Variants in PPIP5K2 observed in about 807,000 individuals in gnomAD.
The protein encoded by PPIP5K2 is diphosphoinositol pentakisphosphate kinase 2, also known as inositol hexakisphosphate and diphosphoinositol-pentakisphosphate kinase 2.
In PPIP5K2, 105 loss-of-function variants were observed where a neutral mutation model predicts 154.6. That is an observed-to-expected ratio of 0.68 (90% CI 0.58 to 0.80). The LOEUF is 0.80. Among genes scored for constraint, PPIP5K2 ranks in the 30% least tolerant of loss-of-function variants. The pLI is 0.00. For missense variants in PPIP5K2, 992 were observed against 1,504.6 expected, an observed-to-expected ratio of 0.66 and a Z score of 5.64; for synonymous variants, 480 against 490.3, an observed-to-expected ratio of 0.98 and a Z score of 0.28.
In PPIP5K2 at chr5:103,174,641, C is replaced by G. The variant is rs1272206621; in HGVS notation, c.2529+669C>G. On this transcript the variant is annotated intron_variant, in intron 21 of 30. Transcript: ENST00000358359. The stretch of plus-strand genomic sequence containing the variant: ...CACCTGAGTTCCAGGAGTGAGCTTC[C>G]TATGAGAGCAAGGTGCAAGTGCATG... Among the ~76,000 whole-genome samples, 3 of 152,002 alleles carry G rather than the reference C, an allele frequency of 2.0e-5. 1 individual carries two copies. Among genetic ancestry groups the G allele is most frequent in the Non-Finnish European group, 4.4e-5 (3 of 67,972 alleles).
chr5:103,196,845 C>CAT (rs1485657783), intron 30 of PPIP5K2, among the ~76,000 whole-genome samples: 1 of 151,786 alleles, frequency 6.6e-6, no homozygotes, highest in African/African-American at 2.4e-5. Context: ...AGGAAAAAAA[C>CAT]ATAGGGTAAG....
At chr5:103,170,264 C>G (rs1472576893) in intron 19 of PPIP5K2, among the ~76,000 whole-genome samples, 1 of 151,444 alleles carries the variant, frequency 6.6e-6, no homozygotes, top group African/African-American at 2.4e-5. Context: ...AGAAGAAGCA[C>G]TAAAGATTAG....
intron 11 of PPIP5K2, among the ~76,000 whole-genome samples, chr5:103,154,432 A>G (rs1795087509): frequency 1.3e-5 from 2 of 152,058 alleles, no homozygotes; most frequent in Admixed American, 1.3e-4. Flanking sequence ...GGTTTCCGTG[A>G]AAAAACTTTG....
chr5:103,166,836 A>G (rs1436932168), intron 17 of PPIP5K2, among the ~76,000 whole-genome samples: 1 of 152,002 alleles, frequency 6.6e-6, no homozygotes, highest in Non-Finnish European at 1.5e-5. Context: ...GAAATAGATC[A>G]TCTTAGAGGT....
intron 2 of PPIP5K2, among the ~76,000 whole-genome samples, chr5:103,132,916 G>A (rs1034527384): frequency 7.2e-5 from 11 of 152,302 alleles, no homozygotes; most frequent in African/African-American, 1.2e-4. Context: ...TATGAAGACA[G>A]GAGGGGCAAA....
At chr5:103,177,316 T>C (rs180814720) in intron 21 of PPIP5K2, among the ~76,000 whole-genome samples, 13 of 152,106 alleles carry the variant, frequency 8.5e-5, no homozygotes, top group Non-Finnish European at 1.5e-4. Context: ...TGCATTATAC[T>C]TACTGGTTTA....
chr5:103,196,272 T>G (rs1802077588), intron 30 of PPIP5K2, among the ~76,000 whole-genome samples: 1 of 152,172 alleles, frequency 6.6e-6, no homozygotes, highest in South Asian at 2.1e-4. Flanking sequence ...TAACACTCTG[T>G]GCTACTGATT....
chr5:103,176,506 T>G (rs1322383330), intron 21 of PPIP5K2, among the ~76,000 whole-genome samples: 3 of 152,088 alleles, frequency 2.0e-5, no homozygotes, highest in Admixed American at 1.3e-4. Flanking sequence ...GTATAATGTC[T>G]AAAACAGAAA....
At chr5:103,192,034 T>C (rs1344444631) in intron 29 of PPIP5K2, among the ~76,000 whole-genome samples, 1 of 152,096 alleles carries the variant, frequency 6.6e-6, no homozygotes, top group Non-Finnish European at 1.5e-5. Context: ...ATCGTATAAT[T>C]CTAGAGAGCT....
chr5:103,129,682 CGAT>C lies in PPIP5K2; in HGVS notation c.96_98del (p.Asp32del). The C allele has an allele frequency of 1.2e-6, 2 of 1,607,178 alleles. No individual in the cohort carries two copies. Among genetic ancestry groups the C allele is most frequent in the Non-Finnish European group, 1.7e-6 (2 of 1,177,514 alleles). Reference sequence around the variant, plus strand: ...ATTTCTTCCACCATGCAGATGAAGACGATGAGGAGGAAGATGATTCTGTAAGTT... The same window carrying C: ...ATTTCTTCCACCATGCAGATGAAGACGAGGAGGAAGATGATTCTGTAAGTT... On this transcript the variant is annotated inframe_deletion, in exon 2 of 31. Transcript: ENST00000358359.
chr5:103,146,514 G>T lies in PPIP5K2; in HGVS notation c.488-13G>T. ...AATATGTGATATTTCTTGCAATCGT[G>T]TTTGTTTTATAGAATGTAATCTGAT... On this transcript the variant is annotated splice_polypyrimidine_tract_variant and intron_variant, in intron 5 of 30. Transcript: ENST00000358359. 1 of 1,604,714 alleles carries T rather than the reference G, an allele frequency of 6.2e-7. No homozygotes were observed. The highest frequency in any genetic ancestry group is 8.5e-7 in the Non-Finnish European group (1 of 1,175,988).
Position 103,167,167 on chromosome 5 carries a change from A to C in PPIP5K2, c.1921-12A>C, listed in dbSNP as rs781832305. ...TAACCAGATATAAAATATATACTTT[A>C]CTCATTTGTAGCTTACTCCATCTGG... is the stretch of plus-strand genomic sequence containing the variant. On this transcript the variant is annotated splice_polypyrimidine_tract_variant and intron_variant, in intron 17 of 30. Transcript: ENST00000358359. 1 of 1,520,354 alleles carries C rather than the reference A, an allele frequency of 6.6e-7. No individual in the cohort carries two copies. 94.2% of individuals were successfully genotyped at this position (1,520,354 alleles called of 1,614,324 possible).
intron 2 of PPIP5K2, among the ~76,000 whole-genome samples, chr5:103,130,477 T>G (rs781845826): frequency 6.6e-6 from 1 of 152,164 alleles, no homozygotes. Flanking sequence ...TTCTATTTTG[T>G]AAAAATAGTA....
chr5:103,136,600 A>G (rs1486626295), intron 3 of PPIP5K2, 132 bp from the exon 4 acceptor site: 7 of 687,068 alleles, frequency 1.0e-5, no homozygotes, highest in Non-Finnish European at 1.5e-5. Flanking sequence ...TATATATTCC[A>G]TACCTTTTAT....
intron 30 of PPIP5K2, among the ~76,000 whole-genome samples, chr5:103,197,563 A>C (rs1290072200): frequency 2.0e-5 from 3 of 146,724 alleles, no homozygotes; most frequent in Non-Finnish European, 3.0e-5. Flanking sequence ...TATGTTTAAA[A>C]CACAAATTTT....
chr5:103,200,379 T>G (rs1284883663), intron 30 of PPIP5K2, among the ~76,000 whole-genome samples: 1 of 151,914 alleles, frequency 6.6e-6, no homozygotes, highest in Admixed American at 6.6e-5. Flanking sequence ...GTCCTCAGGC[T>G]AAAAAGAAGG....
At chr5:103,121,527 G>T (rs1554199034) in intron 1 of PPIP5K2, among the ~76,000 whole-genome samples, 1 of 152,096 alleles carries the variant, frequency 6.6e-6, no homozygotes, top group Non-Finnish European at 1.5e-5. Context: ...GTTCTTCCTC[G>T]ATTTCAATTT....
intron 1 of PPIP5K2, among the ~76,000 whole-genome samples, chr5:103,124,403 G>T (rs1789295210): frequency 6.6e-6 from 1 of 151,852 alleles, no homozygotes; most frequent in Non-Finnish European, 1.5e-5. Context: ...CTGTCATAAG[G>T]ACTGTGGAGT....
intron 17 of PPIP5K2, among the ~76,000 whole-genome samples, chr5:103,161,275 C>T (rs1222812962): frequency 8.5e-5 from 13 of 152,170 alleles, no homozygotes; most frequent in Non-Finnish European, 2.9e-5. Context: ...CATGTCCCTA[C>T]AAAGGACATT....
Sources: gnomAD v4.1 joint callset for allele counts (sites outside exome capture counted in the v4.1 genomes callset) on GRCh38, gnomAD v4.1.1 for gene constraint, MANE v1.5 for transcripts, NCBI Gene and HGNC (gene_info 2026-07-23, HGNC 2026-07-21) for gene names.